TOP6BL: variants seen among roughly 807,000 people sequenced by gnomAD.
TOP6BL encodes the protein type 2 DNA topoisomerase 6 subunit B-like.
chr11:66,822,535 G>A, the TOP6BL span: 1 of 1,402,346 alleles, frequency 7.1e-7, no homozygotes, highest in Middle Eastern at 1.8e-4. Flanking sequence ...GATTCATGCA[G>A]TCTCCCCCTT....
At chr11:66,763,192 C>A in the TOP6BL span, among the ~76,000 whole-genome samples, 1 of 152,200 alleles carries the variant, frequency 6.6e-6, no homozygotes, top group Non-Finnish European at 1.5e-5. Context: ...CAGAGTAAGA[C>A]TGTTTTTAAA....
At chr11:66,774,555 G>A in the TOP6BL span, among the ~76,000 whole-genome samples, 3 of 152,084 alleles carry the variant, frequency 2.0e-5, no homozygotes, top group Non-Finnish European at 2.9e-5. Flanking sequence ...CTGGGTTCAC[G>A]CCATTCTCCT....
the TOP6BL span, among the ~76,000 whole-genome samples, chr11:66,817,592 C>T: frequency 1.3e-5 from 2 of 152,138 alleles, no homozygotes; most frequent in African/African-American, 4.8e-5. Flanking sequence ...GCACACGCCA[C>T]CACACCTGGC....
chr11:66,777,045 ATATC>A, the TOP6BL span, among the ~76,000 whole-genome samples: 1 of 150,568 alleles, frequency 6.6e-6, no homozygotes, highest in Non-Finnish European at 1.5e-5. Context: ...TGTAATCACT[ATATC>A]TATATATCTA....
chr11:66,748,667 T>G, the TOP6BL span: 2 of 652,300 alleles, frequency 3.1e-6, no homozygotes, highest in Non-Finnish European at 4.8e-6. Context: ...AAGTGTCTGG[T>G]GGTAGATTTA....
chr11:66,786,419 T>A, the TOP6BL span, among the ~76,000 whole-genome samples: 7 of 152,252 alleles, frequency 4.6e-5, no homozygotes, highest in Admixed American at 3.9e-4. Flanking sequence ...AGCATATGCT[T>A]AATTCATCTT....
At chr11:66,831,731 C>G in the TOP6BL span, among the ~76,000 whole-genome samples, 1 of 152,086 alleles carries the variant, frequency 6.6e-6, no homozygotes, top group Non-Finnish European at 1.5e-5. Flanking sequence ...TGCGGTGGCT[C>G]ACGCCTGTAA....
chr11:66,822,476 T>C, the TOP6BL span: 3 of 803,422 alleles, frequency 3.7e-6, no homozygotes, highest in East Asian at 2.7e-5. Flanking sequence ...GAAATCCTGC[T>C]CTGATGGAAA....
chr11:66,834,544 C>T, the TOP6BL span, among the ~76,000 whole-genome samples: 1 of 152,130 alleles, frequency 6.6e-6, no homozygotes. Flanking sequence ...AATAGCTGAC[C>T]TCTTGAGTAA....
chr11:66,805,256 CAAT>C, the TOP6BL span, among the ~76,000 whole-genome samples: 1 of 151,876 alleles, frequency 6.6e-6, no homozygotes, highest in African/African-American at 2.4e-5. Flanking sequence ...AATAAAATAA[CAAT>C]AATAATGAGT....
At chr11:66,758,338 G>GTC in the TOP6BL span, 21 of 63,904 alleles carry the variant, frequency 3.3e-4, no homozygotes, top group African/African-American at 1.9e-3. Context: ...TTGAGACGGA[G>GTC]TCTCGCTCTG....
chr11:66,758,227 G>T, the TOP6BL span: 2 of 722,922 alleles, frequency 2.8e-6, no homozygotes, highest in Non-Finnish European at 3.4e-6. Flanking sequence ...AATAATTATT[G>T]CTCTAAAATT....
chr11:66,835,236 C>T, the TOP6BL span, among the ~76,000 whole-genome samples: 57 of 151,684 alleles, frequency 3.8e-4, no homozygotes, highest in East Asian at 4.3e-3. Flanking sequence ...ATCTATGACA[C>T]GAGATTTTCC....
chr11:66,758,336 G>T, the TOP6BL span: 2 of 57,976 alleles, frequency 3.4e-5, no homozygotes, highest in South Asian at 4.2e-4. Context: ...TTTTGAGACG[G>T]AGTCTCGCTC....
chr11:66,793,625 A>G, the TOP6BL span, among the ~76,000 whole-genome samples: 2 of 150,292 alleles, frequency 1.3e-5, no homozygotes, highest in Non-Finnish European at 3.0e-5. Context: ...TTGTATTTTT[A>G]GTAGAGACGG....
At chr11:66,766,967 G>T in the TOP6BL span, among the ~76,000 whole-genome samples, 1 of 152,098 alleles carries the variant, frequency 6.6e-6, no homozygotes, top group Admixed American at 6.6e-5. Context: ...GGTTTTTATG[G>T]TGGGGTTTCT....
chr11:66,753,607 C>T, the TOP6BL span, among the ~76,000 whole-genome samples: 4 of 151,522 alleles, frequency 2.6e-5, no homozygotes, highest in Admixed American at 1.3e-4. Flanking sequence ...GGGTTTTCAC[C>T]GTGTTAGCCA....
the TOP6BL span, among the ~76,000 whole-genome samples, chr11:66,842,027 CT>C: frequency 3.9e-5 from 6 of 151,980 alleles, no homozygotes; most frequent in Non-Finnish European, 7.4e-5. Context: ...GGTGAGACCC[CT>C]GTCTCTACAA....
the TOP6BL span, among the ~76,000 whole-genome samples, chr11:66,802,925 C>G: frequency 6.6e-5 from 10 of 152,202 alleles, no homozygotes; most frequent in East Asian, 1.9e-3. Flanking sequence ...TGATTAGAGA[C>G]AAAGGGAAAG....
Sources: allele counts gnomAD v4.1 joint callset (sites outside exome capture counted in the v4.1 genomes callset), GRCh38; gene constraint gnomAD v4.1.1; transcripts MANE v1.5; gene names NCBI Gene and HGNC (gene_info 2026-07-23, HGNC 2026-07-21).